The following SORCS2 variants were observed in gnomAD, a reference collection of about 807,000 sequenced individuals.
The protein encoded by SORCS2 is VPS10 domain-containing receptor SorCS2.
SORCS2 carries 100 observed loss-of-function variants against 141.6 expected under a neutral mutation model. The ratio of observed to expected loss-of-function variants is 0.71; its 90% CI spans 0.60 to 0.83. SORCS2 has a LOEUF of 0.83. Ranked by LOEUF, SORCS2 falls within the 40% of genes least tolerant of loss-of-function variation. The pLI is 0.00. For missense variants in SORCS2, 1,646 were observed against 1,560.2 expected (o/e 1.05, Z -0.93); for synonymous variants, 789 against 676.9 (o/e 1.17, Z -2.57).
chr4:7,518,253 T>C (rs1211862570), intron 2 of SORCS2, among the ~76,000 whole-genome samples: 1 of 152,226 alleles, frequency 6.6e-6, no homozygotes, highest in African/African-American at 2.4e-5. Flanking sequence ...GCTACGTTTC[T>C]ATCTAAGATA....
At chr4:7,596,512 G>C (rs187208101) in intron 3 of SORCS2, among the ~76,000 whole-genome samples, 76 of 152,312 alleles carry the variant, frequency 5.0e-4, no homozygotes, top group Admixed American at 1.8e-3. Context: ...CCAATTATGA[G>C]TTAAATTGGG....
chr4:7,349,247 C>G lies in SORCS2; in HGVS notation c.481-47041C>G, dbSNP rs569618305. 5.9e-5 allele frequency among the ~76,000 whole-genome samples: 9 copies of G among 152,326 alleles called. No individual in the cohort carries two copies. In the South Asian group the frequency reaches 1.9e-3, roughly 32 times the overall value. On this transcript the variant is annotated intron_variant, in intron 1 of 26. Transcript: ENST00000507866. ...CTCATTGCAACACTCATGCCCTGTCCACCCCTGCCGTAGGGAGCAGAAGGC... is the reference window on the plus strand; with the variant it reads ...CTCATTGCAACACTCATGCCCTGTCGACCCCTGCCGTAGGGAGCAGAAGGC...
intron 17 of SORCS2, among the ~76,000 whole-genome samples, chr4:7,716,500 C>A (rs1274281340): frequency 6.6e-6 from 1 of 152,162 alleles, no homozygotes; most frequent in Non-Finnish European, 1.5e-5. Context: ...ATTCAGTTAC[C>A]CATCCATCCA....
intron 4 of SORCS2, among the ~76,000 whole-genome samples, chr4:7,639,023 G>A (rs1450684100): frequency 1.3e-5 from 2 of 152,088 alleles, no homozygotes; most frequent in African/African-American, 2.4e-5. Context: ...GTGGGGGAGC[G>A]GGGGGCCAGC....
At chr4:7,472,531 G>A (rs28495699) in intron 2 of SORCS2, among the ~76,000 whole-genome samples, 21,360 of 151,586 alleles carry the variant, frequency 0.14, 2,059 homozygotes, top group East Asian at 0.29. Flanking sequence ...TTTGACGCCT[G>A]AATGCACAGC....
chr4:7,423,505 C>T (rs1177325668), intron 2 of SORCS2, among the ~76,000 whole-genome samples: 1 of 152,176 alleles, frequency 6.6e-6, no homozygotes, highest in East Asian at 1.9e-4. Flanking sequence ...GGCTCGAACT[C>T]CTGGCCCCAA....
intron 1 of SORCS2, among the ~76,000 whole-genome samples, chr4:7,212,700 C>A (rs1337648234): frequency 1.3e-5 from 2 of 152,288 alleles, no homozygotes; most frequent in African/African-American, 4.8e-5. Flanking sequence ...CATGCCCACA[C>A]AAACCCATCA....
intron 1 of SORCS2, among the ~76,000 whole-genome samples, chr4:7,332,666 C>T (rs1179363791): frequency 1.3e-5 from 2 of 152,234 alleles, no homozygotes; most frequent in East Asian, 3.8e-4. Flanking sequence ...TGTCTAGAGG[C>T]AGATGGGGAA....
intron 1 of SORCS2, among the ~76,000 whole-genome samples, chr4:7,272,121 G>A (rs562339643): frequency 1.7e-4 from 26 of 152,278 alleles, no homozygotes; most frequent in South Asian, 8.3e-4. Context: ...TTGATTAACC[G>A]CTGAGCACAA....
intron 1 of SORCS2, among the ~76,000 whole-genome samples, chr4:7,222,189 C>T (rs989994161): frequency 2.0e-5 from 3 of 152,150 alleles, no homozygotes; most frequent in Non-Finnish European, 4.4e-5. Flanking sequence ...GACGAAAACC[C>T]GTGTCTCTGC....
chr4:7,508,769 C>A (rs1014745557), intron 2 of SORCS2, among the ~76,000 whole-genome samples: 20 of 152,174 alleles, frequency 1.3e-4, no homozygotes, highest in African/African-American at 4.6e-4. Flanking sequence ...ATGGCTGTAG[C>A]ACGCATCAGT....
chr4:7,675,385 G>C (rs1723044104), intron 8 of SORCS2, among the ~76,000 whole-genome samples: 1 of 152,184 alleles, frequency 6.6e-6, no homozygotes, highest in South Asian at 2.1e-4. Context: ...AGGGCTCAGG[G>C]CTGGCAGGGA....
intron 1 of SORCS2, among the ~76,000 whole-genome samples, chr4:7,234,113 A>T (rs1423603286): frequency 6.6e-6 from 1 of 152,022 alleles, no homozygotes; most frequent in African/African-American, 2.4e-5. Flanking sequence ...AAGGACCTTG[A>T]TCCCCCACCA....
chr4:7,461,311 C>T (rs1009583984), intron 2 of SORCS2, among the ~76,000 whole-genome samples: 12 of 152,186 alleles, frequency 7.9e-5, no homozygotes, highest in Admixed American at 6.5e-4. Context: ...GAGCCCCCGC[C>T]CTCCTTCCCC....
intron 8 of SORCS2, among the ~76,000 whole-genome samples, chr4:7,670,824 G>C (rs916900804): frequency 6.6e-6 from 1 of 152,158 alleles, no homozygotes; most frequent in Non-Finnish European, 1.5e-5. Context: ...GAGGGTGCAG[G>C]GGTGCCATAA....
intron 1 of SORCS2, among the ~76,000 whole-genome samples, chr4:7,296,278 C>G (rs1218650087): frequency 6.6e-6 from 1 of 152,236 alleles, no homozygotes; most frequent in Admixed American, 6.5e-5. Flanking sequence ...TCTCTTTTCC[C>G]CGGAGCAAGC....
In SORCS2 at chr4:7,667,057, T is replaced by C. The variant is rs150858930; in HGVS notation, c.1072-67T>C. ...CTTGCTGAATATAACATGTAGTTTT[T>C]CATTCATGAGACTGTGGCTGGAGAG... On this transcript the variant is annotated intron_variant, in intron 7 of 26. Transcript: ENST00000507866. The C allele has an allele frequency of 8.2e-4, 1,137 of 1,385,402 alleles. 2 individuals are homozygous for C. The highest frequency in any genetic ancestry group is 8.2e-3 in the African/African-American group (572 of 70,176). The allele number at this position is 1,385,402 out of a possible 1,614,324, so 85.8% of individuals were successfully genotyped here. A position where few individuals can be genotyped will look rare whatever the true frequency, so the allele number is the denominator to read the frequency against.
chr4:7,212,627 G>A (rs1728120059), intron 1 of SORCS2, among the ~76,000 whole-genome samples: 1 of 152,228 alleles, frequency 6.6e-6, no homozygotes, highest in Non-Finnish European at 1.5e-5. Context: ...GCTAAAGAGA[G>A]TTGCTGTTTG....
chr4:7,245,698 C>T (rs34922851), intron 1 of SORCS2, among the ~76,000 whole-genome samples: 18,336 of 152,138 alleles, frequency 0.12, 1,737 homozygotes, highest in African/African-American at 0.27. Flanking sequence ...GTGCCCAGAG[C>T]GGAGCCTGAT....
Sources: allele counts gnomAD v4.1 joint callset (sites outside exome capture counted in the v4.1 genomes callset), GRCh38; gene constraint gnomAD v4.1.1; transcripts MANE v1.5; gene names NCBI Gene and HGNC (gene_info 2026-07-23, HGNC 2026-07-21).